Variants in SPECC1 observed in about 807,000 individuals in gnomAD.
SPECC1 encodes the protein cytospin-B.
In SPECC1, 62 loss-of-function variants were observed where a neutral mutation model predicts 104.1. The ratio of observed to expected loss-of-function variants is 0.60; its 90% CI spans 0.49 to 0.74. The LOEUF (loss-of-function observed/expected upper bound fraction) is 0.74, where lower values mean the gene tolerates loss of function less well. Among genes scored for constraint, SPECC1 ranks in the 30% least tolerant of loss-of-function variants. The pLI is 0.00. For synonymous variants in SPECC1, 513 were observed against 501.6 expected (o/e 1.02, Z -0.30); for missense variants, 1,306 against 1,310.5 (o/e 1.00, Z 0.05).
rs2047665719 is a variant in SPECC1, at chr17:20,096,737, C to G, written c.86C>G (p.Ser29Cys). ...CGGGTGCGGCCTCTGCCTGCAGCCT[C>G]TTCCGGCATGAAGAGTTCTAAGTCT... ...PDRVRPLPAASSGMKSSKSST... is the reference protein window; with the variant it reads ...PDRVRPLPAACSGMKSSKSST... The change falls in exon 2 of 15, where the codon TCT (serine) becomes TGT (cysteine). Residue 29 changes from serine to cysteine, a missense_variant. Coordinates refer to ENST00000395527, the MANE Select transcript of SPECC1 (RefSeq NM_001243439.2). The G allele has an allele frequency of 1.2e-6, 2 of 1,614,122 alleles. No homozygotes were observed. The highest frequency in any genetic ancestry group is 1.7e-6 in the Non-Finnish European group (2 of 1,180,060).
intron 7 of SPECC1, among the ~76,000 whole-genome samples, chr17:20,234,436 A>T (rs2038784991): frequency 1.3e-5 from 2 of 152,196 alleles, no homozygotes; most frequent in African/African-American, 4.8e-5. Context: ...AGTTGACTAT[A>T]TGGCAGTTAG....
chr17:20,267,014 C>A (rs1210773005), intron 12 of SPECC1, among the ~76,000 whole-genome samples: 1 of 152,208 alleles, frequency 6.6e-6, no homozygotes, highest in Non-Finnish European at 1.5e-5. Flanking sequence ...GCCAGACCCA[C>A]CTGCCGAGCT....
chr17:20,217,263 T>TTG (rs66521107), intron 4 of SPECC1, among the ~76,000 whole-genome samples: 56 of 148,696 alleles, frequency 3.8e-4, no homozygotes, highest in Middle Eastern at 3.4e-3. Flanking sequence ...AGTTTTTTTA[T>TTG]TGTGTGTGTG....
chr17:20,190,599 T>A (rs374683378), intron 3 of SPECC1, among the ~76,000 whole-genome samples: 4 of 152,238 alleles, frequency 2.6e-5, no homozygotes, highest in African/African-American at 9.6e-5. Context: ...ATTATCAACA[T>A]CTTCCAATCA....
At chr17:20,141,945 C>T (rs1333131887) in intron 3 of SPECC1, among the ~76,000 whole-genome samples, 1 of 152,224 alleles carries the variant, frequency 6.6e-6, no homozygotes, top group African/African-American at 2.4e-5. Context: ...AACCTAGTCT[C>T]TGTTCACCGA....
At chr17:20,171,352 AAAG>A (rs2034074634) in intron 3 of SPECC1, among the ~76,000 whole-genome samples, 1 of 152,152 alleles carries the variant, frequency 6.6e-6, no homozygotes, top group Admixed American at 6.5e-5. Flanking sequence ...ATCATAAGGG[AAAG>A]AAGAAAGATT....
chr17:20,089,979 G>T (rs564486930), intron 1 of SPECC1, among the ~76,000 whole-genome samples: 1 of 152,340 alleles, frequency 6.6e-6, no homozygotes, highest in South Asian at 2.1e-4. Context: ...CCAGGCTGAG[G>T]CTGGCTGTAC....
chr17:20,028,471 CAAAAAAGAAAAA>C (rs1324619143), intron 1 of SPECC1, among the ~76,000 whole-genome samples: 4 of 138,342 alleles, frequency 2.9e-5, no homozygotes, highest in East Asian at 2.1e-4. Flanking sequence ...TCTATCTCTA[CAAAAAAGAAAAA>C]AAAAAAGAAA....
chr17:20,177,804 G>T (rs1484736859), intron 3 of SPECC1, among the ~76,000 whole-genome samples: 6 of 152,076 alleles, frequency 3.9e-5, no homozygotes, highest in African/African-American at 1.4e-4. Flanking sequence ...CCGCCTTCTG[G>T]GTTTAAGCAA....
intron 1 of SPECC1, among the ~76,000 whole-genome samples, chr17:20,085,279 C>G (rs1359620578): frequency 1.3e-5 from 2 of 152,130 alleles, no homozygotes; most frequent in African/African-American, 4.8e-5. Context: ...AGGCTGTGCT[C>G]TTTGAGGGTC....
chr17:20,204,987 G>C lies in SPECC1; in HGVS notation c.938G>C (p.Gly313Ala). 6.2e-7 allele frequency: 1 copy of C among 1,614,130 alleles called. No homozygotes were observed. Among genetic ancestry groups the C allele is most frequent in the Non-Finnish European group, 8.5e-7 (1 of 1,180,030 alleles). ...NIHGNALRTS[G>A]SSSSDVTKAS... Reference sequence around the variant, plus strand: ...CATGGAAATGCATTACGGACATCAGGCTCCTCAAGTAGCGATGTTACCAAA... The same window carrying C: ...CATGGAAATGCATTACGGACATCAGCCTCCTCAAGTAGCGATGTTACCAAA... Residue 313 changes from glycine (G) to alanine (A), a missense_variant, in exon 4 of 15, where the codon GGC (glycine) becomes GCC (alanine). Gly to Ala is a moderately conservative substitution (Grantham distance 60). Transcript: ENST00000395527.
In SPECC1 at chr17:20,261,221, C is replaced by T. The variant is rs943558863; in HGVS notation, c.2940+927C>T. Among the ~76,000 whole-genome samples, 9 of 152,122 alleles carry T rather than the reference C, an allele frequency of 5.9e-5. 1 individual carries two copies. The highest frequency in any genetic ancestry group is 1.3e-4 in the Non-Finnish European group (9 of 67,988). The stretch of plus-strand genomic sequence containing the variant: ...CTGTCCCTGCTGTCTCAGAAGAAGA[C>T]ACAAGCTCCAGTGGCTCACGCCTGT... On this transcript the variant is annotated intron_variant, in intron 12 of 14. Coordinates refer to ENST00000395527, the MANE Select transcript of SPECC1 (RefSeq NM_001243439.2).
chr17:20,160,946 G>A (rs1303340990), intron 3 of SPECC1, among the ~76,000 whole-genome samples: 1 of 152,218 alleles, frequency 6.6e-6, no homozygotes, highest in African/African-American at 2.4e-5. Flanking sequence ...TAGAATACAA[G>A]TAGTGGTATA....
At chr17:20,011,664 G>C (rs1188563033) in intron 1 of SPECC1, among the ~76,000 whole-genome samples, 3 of 151,368 alleles carry the variant, frequency 2.0e-5, no homozygotes, top group Admixed American at 2.0e-4. Flanking sequence ...TACTTAATTT[G>C]AGTTTATTTT....
In SPECC1 at chr17:20,104,740, C is replaced by CAAA. The variant is rs745893309; in HGVS notation, c.148-5663_148-5661dup. 1.5e-3 allele frequency among the ~76,000 whole-genome samples: 86 copies of CAAA among 57,202 alleles called. 2 individuals are homozygous for CAAA. The highest frequency in any genetic ancestry group is 4.1e-3 in the African/African-American group (59 of 14,464). The allele number at this position is 57,202 out of a possible 152,430, so 37.5% of individuals were successfully genotyped here. A position where few individuals can be genotyped will look rare whatever the true frequency, so the allele number is the denominator to read the frequency against. The stretch of plus-strand genomic sequence containing the variant: ...CTTGGGTGAAAGAGTGAGACTGTCT[C>CAAA]AAAAAAAAAAAAAAAAAAAAAAAAA... On this transcript the variant is annotated intron_variant, in intron 2 of 14. Coordinates refer to ENST00000395527, the MANE Select transcript of SPECC1 (RefSeq NM_001243439.2).
intron 2 of SPECC1, among the ~76,000 whole-genome samples, chr17:20,097,780 A>G (rs922897437): frequency 1.3e-5 from 2 of 152,200 alleles, no homozygotes; most frequent in Non-Finnish European, 2.9e-5. Context: ...AGGCTCAGAT[A>G]ATAATAAAAG....
In SPECC1 at chr17:20,314,572, C is replaced by G. The variant is rs538605252; in HGVS notation, c.*507C>G. On this transcript the variant is annotated 3_prime_UTR_variant, in exon 15 of 15. Coordinates refer to ENST00000395527, the MANE Select transcript of SPECC1 (RefSeq NM_001243439.2). ...GTAGGATCGTTTGAGCCCAGGAGTT[C>G]GAGGCTGCAGTGAGCTATGAGCATA... 3 of 266,490 alleles carry G rather than the reference C, an allele frequency of 1.1e-5. No homozygotes were observed. Among genetic ancestry groups the G allele is most frequent in the African/African-American group, 6.4e-5 (3 of 47,244 alleles). 16.5% of individuals were successfully genotyped at this position (266,490 alleles called of 1,614,324 possible). A position where few individuals can be genotyped will look rare whatever the true frequency, so the allele number is the denominator to read the frequency against.
At position 20,013,650 on chromosome 17, in the gene SPECC1, CA is replaced by C. The variant is rs1254796698; in HGVS notation, c.-22+4228del. 2.0e-5 allele frequency among the ~76,000 whole-genome samples: 3 copies of C among 152,252 alleles called. No homozygotes were observed. In the East Asian group the frequency reaches 5.8e-4, roughly 29 times the overall value. On this transcript the variant is annotated intron_variant, in intron 1 of 14. Coordinates refer to ENST00000395527, the MANE Select transcript of SPECC1 (RefSeq NM_001243439.2). ...CCGAGTAGCTGGAATTACAGGCCTG[CA>C]ACCACTATGCCCGGCTAATTTTTGT...
Position 20,296,041 on chromosome 17 carries a change from T to A in SPECC1, c.2941-920T>A, listed in dbSNP as rs1382327941. ...TTAGTTTAATTAGATCTCATTTGTC[T>A]ATTTTGGCTTTTGTTGCCATTGCTT... On this transcript the variant is annotated intron_variant, in intron 12 of 14. Coordinates refer to ENST00000395527, the MANE Select transcript of SPECC1 (RefSeq NM_001243439.2). Among the ~76,000 whole-genome samples, 11 of 152,302 alleles carry A rather than the reference T, an allele frequency of 7.2e-5. No individual in the cohort carries two copies. The East Asian group carries it at 2.1e-3, about 29-fold the overall frequency.
Sources: allele counts gnomAD v4.1 joint callset (sites outside exome capture counted in the v4.1 genomes callset), GRCh38; gene constraint gnomAD v4.1.1; transcripts MANE v1.5; gene names NCBI Gene and HGNC (gene_info 2026-07-23, HGNC 2026-07-21).